ATP8A2: variants seen among roughly 807,000 people sequenced by gnomAD.
The protein encoded by ATP8A2 is phospholipid-transporting ATPase IB.
In ATP8A2, 100 loss-of-function variants were observed where a neutral mutation model predicts 165.6. That is an observed-to-expected ratio of 0.60 (90% CI 0.51 to 0.71). ATP8A2 has a LOEUF of 0.71. Among genes scored for constraint, ATP8A2 ranks in the 30% least tolerant of loss-of-function variants. The probability of loss-of-function intolerance (pLI) is 0.00; values close to 1 mark genes in which losing one functional copy is unlikely to be tolerated. For missense variants in ATP8A2, 1,227 were observed against 1,479.5 expected (o/e 0.83, Z 2.80); for synonymous variants, 543 against 548.8 (o/e 0.99, Z 0.15).
chr13:25,932,183 A>G (rs1163400643), intron 33 of ATP8A2, among the ~76,000 whole-genome samples: 1 of 152,158 alleles, frequency 6.6e-6, no homozygotes, highest in Non-Finnish European at 1.5e-5. Context: ...ACGTCAGCTT[A>G]GCTGGCTGAG....
At chr13:25,690,222 TC>T (rs1277453145) in intron 24 of ATP8A2, among the ~76,000 whole-genome samples, 3 of 152,166 alleles carry the variant, frequency 2.0e-5, no homozygotes, top group Non-Finnish European at 4.4e-5. Context: ...GTTCAGACTT[TC>T]TGGGCTCTGG....
intron 1 of ATP8A2, among the ~76,000 whole-genome samples, chr13:25,461,791 A>G (rs1243199110): frequency 6.6e-6 from 1 of 152,124 alleles, no homozygotes; most frequent in Non-Finnish European, 1.5e-5. Flanking sequence ...CATGGCCTGT[A>G]AAGTAAGACT....
rs2040576330 is a variant in ATP8A2 at position 25,608,505 on chromosome 13, C to G, written c.2211+18806C>G. ...CTATACATTTAAGTTCTGTTTGTGA[C>G]AGTTGCCACAAAGGAAACGTCTAAG... On this transcript the variant is annotated intron_variant, in intron 24 of 36. Transcript: ENST00000381655. Among the ~76,000 whole-genome samples, 6 of 152,156 alleles carry G rather than the reference C, an allele frequency of 3.9e-5. No homozygotes were observed. In the South Asian group the frequency reaches 1.2e-3, roughly 32 times the overall value.
At chr13:25,429,440 G>A (rs1307526660) in intron 1 of ATP8A2, among the ~76,000 whole-genome samples, 5 of 149,370 alleles carry the variant, frequency 3.3e-5, no homozygotes, top group Admixed American at 1.3e-4. Flanking sequence ...AGGACTCTCC[G>A]AATTCTGGGG....
At chr13:25,558,230 T>G (rs1444083683) in intron 13 of ATP8A2, among the ~76,000 whole-genome samples, 1 of 152,182 alleles carries the variant, frequency 6.6e-6, no homozygotes, top group Non-Finnish European at 1.5e-5. Flanking sequence ...TATTTTAATT[T>G]TCTTAAAAAT....
intron 1 of ATP8A2, among the ~76,000 whole-genome samples, chr13:25,446,432 T>C (rs1171649440): frequency 6.6e-6 from 1 of 152,210 alleles, no homozygotes; most frequent in East Asian, 1.9e-4. Flanking sequence ...AGAAGATTAG[T>C]TTACTGTCAT....
At chr13:25,682,988 C>G (rs943062510) in intron 24 of ATP8A2, among the ~76,000 whole-genome samples, 2 of 152,096 alleles carry the variant, frequency 1.3e-5, no homozygotes, top group African/African-American at 4.8e-5. Flanking sequence ...GGTCATTTAC[C>G]ATAAAAGGTT....
At chr13:25,427,940 G>A (rs904232659) in intron 1 of ATP8A2, among the ~76,000 whole-genome samples, 1 of 152,064 alleles carries the variant, frequency 6.6e-6, no homozygotes, top group African/African-American at 2.4e-5. Flanking sequence ...GCTCATGCCT[G>A]TAATCCCAGC....
At chr13:25,633,300 A>C (rs2041289438) in intron 24 of ATP8A2, among the ~76,000 whole-genome samples, 1 of 152,138 alleles carries the variant, frequency 6.6e-6, no homozygotes, top group African/African-American at 2.4e-5. Flanking sequence ...TATACCCTAC[A>C]TGCAGTGCTC....
chr13:25,699,900 A>G (rs2042915296), intron 25 of ATP8A2, among the ~76,000 whole-genome samples: 1 of 142,240 alleles, frequency 7.0e-6, no homozygotes, highest in Non-Finnish European at 1.5e-5. Flanking sequence ...GCTGCTGGCT[A>G]TGTGGAGGTC....
intron 35 of ATP8A2, among the ~76,000 whole-genome samples, chr13:26,005,321 T>C (rs1228146144): frequency 6.6e-6 from 1 of 152,058 alleles, no homozygotes; most frequent in Non-Finnish European, 1.5e-5. Flanking sequence ...TCACTTTATT[T>C]GCGTCTCTCC....
At chr13:25,838,545 C>A (rs1951679235) in intron 29 of ATP8A2, among the ~76,000 whole-genome samples, 1 of 151,616 alleles carries the variant, frequency 6.6e-6, no homozygotes, top group Non-Finnish European at 1.5e-5. Flanking sequence ...GGAAACTTAT[C>A]TGCAGGCACT....
At chr13:25,928,588 TA>T (rs778782597) in intron 33 of ATP8A2, among the ~76,000 whole-genome samples, 3 of 152,224 alleles carry the variant, frequency 2.0e-5, no homozygotes, top group Non-Finnish European at 2.9e-5. Flanking sequence ...AGAAAACTGA[TA>T]CTCAGAAGTG....
chr13:25,771,346 C>G lies in ATP8A2; in HGVS notation c.2568+2117C>G, dbSNP rs995714828. 2.0e-5 allele frequency among the ~76,000 whole-genome samples: 3 copies of G among 152,310 alleles called. No individual in the cohort carries two copies. The South Asian group carries it at 6.2e-4, about 32-fold the overall frequency. ...GTCAAATGCTTTGAGGCCTGTGGGACTCGCACTTCCTGTAGTCTGTCAGCA... is the reference window on the plus strand; with the variant it reads ...GTCAAATGCTTTGAGGCCTGTGGGAGTCGCACTTCCTGTAGTCTGTCAGCA... On this transcript the variant is annotated intron_variant, in intron 26 of 36. Transcript: ENST00000381655.
In ATP8A2 at chr13:25,540,319, T is replaced by G. The variant is rs754220879; in HGVS notation, c.582T>G (p.Ser194Arg). 6.2e-7 allele frequency: 1 copy of G among 1,613,138 alleles called. No individual in the cohort carries two copies. The highest frequency in any genetic ancestry group is 8.5e-7 in the Non-Finnish European group (1 of 1,179,102). Reference protein sequence around the residue: ...LPADVVLLSSSEPQAMCYVET... With the variant: ...LPADVVLLSSREPQAMCYVET... ...TGGCTCTTTTTTTCTCTCTCCTTAG[T>G]GAACCTCAGGCAATGTGTTATGTTG... Residue 194 changes from serine to arginine, a missense_variant and splice_region_variant, in exon 8 of 37, where the codon AGT (serine) becomes AGG (arginine). By Grantham distance (110) the Ser-to-Arg change is moderately radical. Around this residue, in one of 5 missense-constraint regions of ATP8A2, gnomAD observed 356 missense variants for 394.9 expected, o/e 0.90. Coordinates refer to ENST00000381655, the MANE Select transcript of ATP8A2 (RefSeq NM_016529.6).
At chr13:25,921,936 TTTTTGTAAAACCATTGTTAGA>T (rs1954471622) in intron 33 of ATP8A2, among the ~76,000 whole-genome samples, 1 of 152,238 alleles carries the variant, frequency 6.6e-6, no homozygotes. Flanking sequence ...ATTTGTTAGA[TTTTTGTAAAACCATTGTTAGA>T]TTTTGTAAAA....
intron 27 of ATP8A2, among the ~76,000 whole-genome samples, chr13:25,802,438 C>T (rs1950640936): frequency 6.6e-6 from 1 of 152,116 alleles, no homozygotes; most frequent in Non-Finnish European, 1.5e-5. Flanking sequence ...TTATGAGATA[C>T]GAATGGCATA....
chr13:25,620,712 T>G (rs2040946078), intron 24 of ATP8A2, among the ~76,000 whole-genome samples: 1 of 152,196 alleles, frequency 6.6e-6, no homozygotes, highest in Admixed American at 6.5e-5. Context: ...TCAAGCACAG[T>G]TTTACAGTTG....
At chr13:25,556,439 T>TC (rs2038982781) in intron 13 of ATP8A2, among the ~76,000 whole-genome samples, 2 of 152,338 alleles carry the variant, frequency 1.3e-5, no homozygotes, top group East Asian at 3.9e-4. Flanking sequence ...TCATGTCTTT[T>TC]GCTCATTTTT....
Sources: gnomAD v4.1 joint callset for allele counts (sites outside exome capture counted in the v4.1 genomes callset) on GRCh38, gnomAD v4.1.1 for gene constraint, gnomAD v4.1.1 regional missense constraint, MANE v1.5 for transcripts, NCBI Gene and HGNC (gene_info 2026-07-23, HGNC 2026-07-21) for gene names.